The following CWF19L2 variants were observed in gnomAD, a reference collection of about 807,000 sequenced individuals.
CWF19L2 encodes the protein CWF19 like cell cycle control factor 2.
A neutral mutation model predicts 111.7 loss-of-function variants in CWF19L2; 98 were observed. The observed-to-expected ratio is 0.88, with a 90% CI of 0.75 to 1.04. The LOEUF is 1.04. Among genes scored for constraint, CWF19L2 ranks in the 50% least tolerant of loss-of-function variants. The probability of loss-of-function intolerance (pLI) is 0.00; values close to 1 mark genes in which losing one functional copy is unlikely to be tolerated. For synonymous variants in CWF19L2, 351 were observed against 342.9 expected (o/e 1.02, Z -0.26); for missense variants, 1,101 against 1,051.4 (o/e 1.05, Z -0.65).
At chr11:107,445,871 T>C (rs572538929) in intron 3 of CWF19L2, among the ~76,000 whole-genome samples, 1 of 152,278 alleles carries the variant, frequency 6.6e-6, no homozygotes, top group East Asian at 1.9e-4. Flanking sequence ...GTAATGTACT[T>C]CCCATGCTAG....
chr11:107,409,002 T>G (rs1192496144), intron 10 of CWF19L2, among the ~76,000 whole-genome samples: 1 of 151,928 alleles, frequency 6.6e-6, no homozygotes. Context: ...ATATTAAAAG[T>G]AAACCACAAG....
In CWF19L2 at chr11:107,348,797, T is replaced by C. The variant is rs756056281; in HGVS notation, c.2202+140A>G. 4.7e-5 allele frequency: 23 copies of C among 489,240 alleles called. 1 individual carries two copies. Among genetic ancestry groups the C allele is most frequent in the South Asian group, 3.1e-4 (9 of 29,196 alleles). 30.3% of individuals were successfully genotyped at this position (489,240 alleles called of 1,614,324 possible). ...ATGGAAACATCATGATCCACAGATA[T>C]ATACAACTATGAAAACACACGTGTT... On this transcript the variant is annotated intron_variant, in intron 14 of 17. Transcript: ENST00000282251.
At chr11:107,327,590 A>G (rs1381392067) in intron 17 of CWF19L2, among the ~76,000 whole-genome samples, 2 of 152,230 alleles carry the variant, frequency 1.3e-5, no homozygotes, top group Non-Finnish European at 2.9e-5. Context: ...TAAAAATTAT[A>G]TATCACTTTC....
At chr11:107,362,639 A>C (rs1279829437) in intron 12 of CWF19L2, among the ~76,000 whole-genome samples, 2 of 150,116 alleles carry the variant, frequency 1.3e-5, no homozygotes, top group Non-Finnish European at 2.9e-5. Flanking sequence ...AAACTAACAA[A>C]CAGAAAGGAC....
chr11:107,348,634 G>A (rs976451002), intron 14 of CWF19L2: 10 of 169,294 alleles, frequency 5.9e-5, no homozygotes, highest in African/African-American at 1.4e-4. Context: ...ACTGTGGTAA[G>A]AATGATTCTT....
intron 8 of CWF19L2, among the ~76,000 whole-genome samples, chr11:107,423,047 G>A (rs932407460): frequency 2.0e-5 from 3 of 151,964 alleles, no homozygotes; most frequent in African/African-American, 7.2e-5. Context: ...TAGGGACACT[G>A]CATTCATGTA....
chr11:107,353,491 G>A, intron 13 of CWF19L2, 33 bp downstream of exon 13: 1 of 1,542,148 alleles, frequency 6.5e-7, no homozygotes, highest in South Asian at 1.1e-5. Flanking sequence ...AGTTCTATGA[G>A]AATGTAAGCA....
chr11:107,454,854 T>A (rs1479935659), intron 2 of CWF19L2, among the ~76,000 whole-genome samples: 1 of 152,118 alleles, frequency 6.6e-6, no homozygotes, highest in Non-Finnish European at 1.5e-5. Flanking sequence ...TATAATCAAA[T>A]AAACACATAT....
At chr11:107,419,283 C>T (rs916374681) in intron 8 of CWF19L2, among the ~76,000 whole-genome samples, 1 of 152,138 alleles carries the variant, frequency 6.6e-6, no homozygotes, top group African/African-American at 2.4e-5. Context: ...GCTCTGGGCC[C>T]ACCTAAAAAA....
At position 107,370,646 on chromosome 11, in the gene CWF19L2, G is replaced by T. The variant is rs2134569851; in HGVS notation, c.1873-16910C>A. Among the ~76,000 whole-genome samples the T allele has an allele frequency of 2.9e-5, 4 of 137,156 alleles. 1 individual carries two copies. In the South Asian group the frequency reaches 9.7e-4, roughly 33 times the overall value. 90.0% of individuals were successfully genotyped at this position (137,156 alleles called of 152,430 possible). On this transcript the variant is annotated intron_variant, in intron 12 of 17. Transcript: ENST00000282251. ...AACCTCATCTTAAACACTGAAAATG[G>T]AAGTGGATATTTCAGATGCCATAAA...
chr11:107,385,239 T>A (rs1176921688), intron 12 of CWF19L2, among the ~76,000 whole-genome samples: 1 of 152,052 alleles, frequency 6.6e-6, no homozygotes, highest in Non-Finnish European at 1.5e-5. Flanking sequence ...CATAGCAACC[T>A]GTACTTCCAT....
chr11:107,389,661 CATAAT>C (rs765381115), intron 12 of CWF19L2, among the ~76,000 whole-genome samples: 20 of 152,050 alleles, frequency 1.3e-4, no homozygotes, highest in Non-Finnish European at 2.6e-4. Flanking sequence ...CTCCATAATC[CATAAT>C]ATATTAGTGC....
At chr11:107,454,703 T>G in intron 2 of CWF19L2, 131 bp from the exon 3 acceptor site, 1 of 493,110 alleles carries the variant, frequency 2.0e-6, no homozygotes, top group East Asian at 3.7e-5. Context: ...ACCAAGAATA[T>G]GTCTAAATAA....
At chr11:107,386,011 CTTTAT>C (rs1860759991) in intron 12 of CWF19L2, among the ~76,000 whole-genome samples, 1 of 152,054 alleles carries the variant, frequency 6.6e-6, no homozygotes, top group African/African-American at 2.4e-5. Flanking sequence ...ATCAATTATA[CTTTAT>C]AAGTTAAAAT....
intron 3 of CWF19L2, among the ~76,000 whole-genome samples, chr11:107,444,611 A>G (rs555629167): frequency 1.4e-3 from 213 of 152,308 alleles, no homozygotes; most frequent in African/African-American, 4.7e-3. Context: ...AATTGTGCTG[A>G]TATCTTTCAA....
intron 10 of CWF19L2, among the ~76,000 whole-genome samples, chr11:107,402,664 C>A (rs1861018045): frequency 6.6e-6 from 1 of 151,970 alleles, no homozygotes; most frequent in South Asian, 2.1e-4. Flanking sequence ...CTATGGAAAA[C>A]AGTGTGGAGA....
intron 7 of CWF19L2, among the ~76,000 whole-genome samples, chr11:107,432,232 A>G (rs982712223): frequency 1.2e-4 from 19 of 152,336 alleles, no homozygotes; most frequent in Admixed American, 2.6e-4. Context: ...ATGGAAAACA[A>G]TATCAATAGT....
chr11:107,381,291 A>T (rs558799247), intron 12 of CWF19L2, among the ~76,000 whole-genome samples: 1 of 152,316 alleles, frequency 6.6e-6, no homozygotes, highest in East Asian at 1.9e-4. Flanking sequence ...ACGAAAAAAC[A>T]TTAAATAAAT....
At chr11:107,432,296 G>A (rs1861475514) in intron 7 of CWF19L2, among the ~76,000 whole-genome samples, 1 of 152,084 alleles carries the variant, frequency 6.6e-6, no homozygotes, top group African/African-American at 2.4e-5. Flanking sequence ...ATTCCAATTC[G>A]GCTGGGCGCA....
Sources: gnomAD v4.1 joint callset for allele counts (sites outside exome capture counted in the v4.1 genomes callset) on GRCh38, gnomAD v4.1.1 for gene constraint, MANE v1.5 for transcripts, NCBI Gene and HGNC (gene_info 2026-07-23, HGNC 2026-07-21) for gene names.